The following TARBP1 variants were observed in gnomAD, a reference collection of about 807,000 sequenced individuals.
The protein encoded by TARBP1 is tRNA guanosine 2 -O-methyltransferase TARBP1.
TARBP1 carries 144 observed loss-of-function variants against 178.6 expected under a neutral mutation model. The observed-to-expected ratio is 0.81, with a 90% CI of 0.70 to 0.93. The LOEUF is 0.93. TARBP1 is among the 40% of genes least tolerant of loss of function. The pLI, the probability that TARBP1 is intolerant of heterozygous loss-of-function variation, is 0.00. For missense variants in TARBP1, 2,067 were observed against 2,011.7 expected (o/e 1.03, Z -0.53); for synonymous variants, 787 against 781.0 (o/e 1.01, Z -0.13).
rs780957119 is a variant in TARBP1, at chr1:234,398,552, G to T, written c.4073C>A (p.Thr1358Asn). 2 of 1,551,626 alleles carry T rather than the reference G, an allele frequency of 1.3e-6. No homozygotes were observed. Among genetic ancestry groups the T allele is most frequent in the Admixed American group, 1.8e-5 (1 of 54,832 alleles). ...AAGGCGTGGAAGGATGTAAAATATG[G>T]TCTGAAAAGAGAATTATAAAATCTA... Reference protein sequence around the residue: ...FHPLKDYCLETIFYILPRLSG... With the variant: ...FHPLKDYCLENIFYILPRLSG... The change falls in exon 26 of 30, where the codon ACC (threonine) becomes AAC (asparagine). Residue 1358 changes from threonine (T) to asparagine (N), a missense_variant and splice_region_variant. Coordinates refer to ENST00000040877, the MANE Select transcript of TARBP1 (RefSeq NM_005646.4).
intron 23 of TARBP1, among the ~76,000 whole-genome samples, chr1:234,408,381 T>C (rs902990351): frequency 3.9e-5 from 6 of 152,016 alleles, no homozygotes; most frequent in Non-Finnish European, 8.8e-5. Context: ...AGAAACTTAG[T>C]TTAGTTTATA....
At chr1:234,451,766 A>AAAAAAAAAAAAAAAAAAAAAAAAC (rs57636903) in intron 9 of TARBP1, among the ~76,000 whole-genome samples, 1 of 17,172 alleles carries the variant, frequency 5.8e-5, no homozygotes, top group African/African-American at 4.1e-4. Flanking sequence ...AAAAAAAAAA[A>AAAAAAAAAAAAAAAAAAAAAAAAC]TGATGAATGA....
chr1:234,477,445 G>A (rs572223800), intron 1 of TARBP1, among the ~76,000 whole-genome samples: 46 of 152,304 alleles, frequency 3.0e-4, no homozygotes, highest in African/African-American at 1.1e-3. Context: ...ATTCTATTGA[G>A]ACAATTTTGA....
chr1:234,476,570 C>T (rs74591358), intron 1 of TARBP1, among the ~76,000 whole-genome samples: 2,251 of 152,190 alleles, frequency 0.015, 55 homozygotes, highest in African/African-American at 0.05. Flanking sequence ...AGGAGGAATT[C>T]GTGGTAAGTA....
chr1:234,479,151 G>T lies in TARBP1; in HGVS notation c.-48C>A, dbSNP rs762655222. On this transcript the variant is annotated 5_prime_UTR_variant, in exon 1 of 30. Coordinates refer to ENST00000040877, the MANE Select transcript of TARBP1 (RefSeq NM_005646.4). ...GCCCGGGCTCCCAAAGGAAGGCGCCGGCGTGTGCGATGCGTGCGCACAGGA... is the reference window on the plus strand; with the variant it reads ...GCCCGGGCTCCCAAAGGAAGGCGCCTGCGTGTGCGATGCGTGCGCACAGGA... 1.4e-6 allele frequency: 2 copies of T among 1,461,524 alleles called. No individual in the cohort carries two copies. The highest frequency in any genetic ancestry group is 1.8e-6 in the Non-Finnish European group (2 of 1,119,430). The allele number at this position is 1,461,524 out of a possible 1,614,324, so 90.5% of individuals were successfully genotyped here.
At chr1:234,460,438 A>G in intron 6 of TARBP1, 42 bp from the exon 7 acceptor site, 2 of 1,605,716 alleles carry the variant, frequency 1.2e-6, no homozygotes, top group Non-Finnish European at 1.7e-6. Flanking sequence ...GCCAATTAGC[A>G]CATGAAAAGA....
At chr1:234,448,748 T>C (rs1044634889) in intron 10 of TARBP1, among the ~76,000 whole-genome samples, 169 bp from the exon 11 acceptor site, 1 of 152,192 alleles carries the variant, frequency 6.6e-6, no homozygotes, top group Non-Finnish European at 1.5e-5. Flanking sequence ...TTATTATACA[T>C]ATCTATTTCA....
intron 12 of TARBP1, among the ~76,000 whole-genome samples, chr1:234,441,512 C>T (rs1406783665): frequency 6.6e-6 from 1 of 152,170 alleles, no homozygotes; most frequent in Non-Finnish European, 1.5e-5. Flanking sequence ...TACATCAACA[C>T]AAATACAGCC....
intron 12 of TARBP1, among the ~76,000 whole-genome samples, chr1:234,437,943 C>T (rs116938062): frequency 6.6e-6 from 1 of 152,184 alleles, no homozygotes; most frequent in Non-Finnish European, 1.5e-5. Context: ...TGCACATGCA[C>T]GGATCTGATG....
At chr1:234,466,567 A>AAAGAAGAAGAAG (rs71576428) in intron 4 of TARBP1, among the ~76,000 whole-genome samples, 10 of 150,840 alleles carry the variant, frequency 6.6e-5, no homozygotes, top group Admixed American at 3.3e-4. Flanking sequence ...TTCTTTTAAA[A>AAAGAAGAAGAAG]AAGAAGAAGA....
chr1:234,423,716 A>G (rs1343890787), intron 20 of TARBP1, among the ~76,000 whole-genome samples: 3 of 150,088 alleles, frequency 2.0e-5, no homozygotes, highest in South Asian at 4.2e-4. Context: ...TCACCTGATT[A>G]GACCCTCCTG....
chr1:234,465,069 C>CGGATGGATGGATGGAT lies in TARBP1; in HGVS notation c.1301+571_1301+586dup, dbSNP rs34607418. ...TTCTTAATATGGATGGATGGATGAA[C>CGGATGGATGGATGGAT]GGATGGATGGATGGATGGATGGATG... On this transcript the variant is annotated intron_variant, in intron 5 of 29. Coordinates refer to ENST00000040877, the MANE Select transcript of TARBP1 (RefSeq NM_005646.4). Among the ~76,000 whole-genome samples, 30 of 150,772 alleles carry CGGATGGATGGATGGAT rather than the reference C, an allele frequency of 2.0e-4. No individual in the cohort carries two copies. The East Asian group carries it at 2.2e-3, about 11-fold the overall frequency.
intron 12 of TARBP1, among the ~76,000 whole-genome samples, chr1:234,440,414 G>C (rs1665467326): frequency 6.6e-6 from 1 of 151,264 alleles, no homozygotes; most frequent in Admixed American, 6.6e-5. Flanking sequence ...CTGGTTCTTT[G>C]AAAAGGTCAA....
In TARBP1 at chr1:234,429,218, G is replaced by A. The variant is rs775990802; in HGVS notation, c.2978C>T (p.Ala993Val). 9.9e-6 allele frequency: 16 copies of A among 1,609,190 alleles called. No homozygotes were observed. The highest frequency in any genetic ancestry group is 8.9e-5 in the East Asian group (4 of 44,840). Residue 993 changes from alanine (A) to valine (V), a missense_variant, in exon 17 of 30, where the codon GCT becomes GTT. Coordinates refer to ENST00000040877, the MANE Select transcript of TARBP1 (RefSeq NM_005646.4). The part of the protein sequence containing the change: ...TQLIFWANLK[A>V]FVQFVFDNKV... ...GTTATCAAAAACAAACTGAACAAAA[G>A]CTTTTAAATTAGCCCAGAATATCAG...
At chr1:234,460,176 G>A in intron 7 of TARBP1, 85 bp downstream of exon 7, 1 of 1,420,520 alleles carries the variant, frequency 7.0e-7, no homozygotes, top group Non-Finnish European at 9.4e-7. Context: ...TCCATTTACT[G>A]TAGATTAAAG....
chr1:234,450,637 C>T, intron 9 of TARBP1, 71 bp from the exon 10 acceptor site: 1 of 1,512,108 alleles, frequency 6.6e-7, no homozygotes, highest in South Asian at 1.3e-5. Context: ...TCTCCTTAAG[C>T]CACGTTTCTT....
At chr1:234,398,622 A>T in intron 25 of TARBP1, 69 bp from the exon 26 acceptor site, 1 of 1,155,324 alleles carries the variant, frequency 8.7e-7, no homozygotes, top group Non-Finnish European at 1.2e-6. Context: ...AACATTTAAA[A>T]TACAACTTAA....
In TARBP1 at chr1:234,451,766, A is replaced by AACAAAAAAAC. The variant is rs57636903; in HGVS notation, c.1723-1201_1723-1200insGTTTTTTTGT. Among the ~76,000 whole-genome samples, 10 of 17,176 alleles carry AACAAAAAAAC rather than the reference A, an allele frequency of 5.8e-4. 5 individuals are homozygous for AACAAAAAAAC. The highest frequency in any genetic ancestry group is 0.013 in the South Asian group (2 of 156). The allele number at this position is 17,176 out of a possible 152,430, so 11.3% of individuals were successfully genotyped here. A position where few individuals can be genotyped will look rare whatever the true frequency, so the allele number is the denominator to read the frequency against. ...TCCGTCTCAAAAAAAAAAAAAAAAAATGATGAATGACTGGATCATCGAAGT... is the reference window on the plus strand; with the variant it reads ...TCCGTCTCAAAAAAAAAAAAAAAAAAACAAAAAAACTGATGAATGACTGGATCATCGAAGT... On this transcript the variant is annotated intron_variant, in intron 9 of 29. Transcript: ENST00000040877.
chr1:234,478,431 G>A lies in TARBP1; in HGVS notation c.673C>T (p.Arg225Cys), dbSNP rs528051191. ...AGGACCAGCAGCTTCTCCTCTACGC[G>A]GCCGGACCCCAGGGACGCCCCAGGC... ...AAPGASLGSG[R>C]VEEKLLVLSA... Residue 225 changes from arginine (R) to cysteine (C), a missense_variant, in exon 1 of 30, where the codon CGC becomes TGC. Transcript: ENST00000040877. 57 of 1,387,350 alleles carry A rather than the reference G, an allele frequency of 4.1e-5. No individual in the cohort carries two copies. In the East Asian group the frequency reaches 1.7e-3, roughly 40 times the overall value. The allele number at this position is 1,387,350 out of a possible 1,614,324, so 85.9% of individuals were successfully genotyped here.
Sources: allele counts gnomAD v4.1 joint callset (sites outside exome capture counted in the v4.1 genomes callset), GRCh38; gene constraint gnomAD v4.1.1; transcripts MANE v1.5; gene names NCBI Gene and HGNC (gene_info 2026-07-23, HGNC 2026-07-21).